Variants in MAGI2 observed in about 807,000 individuals in gnomAD.
The protein encoded by MAGI2 is membrane-associated guanylate kinase, WW and PDZ domain-containing protein 2.
Under a neutral mutation model 133.3 loss-of-function variants are expected in MAGI2, and 35 were observed. The observed-to-expected ratio is 0.26, with a 90% CI of 0.20 to 0.35. The LOEUF (loss-of-function observed/expected upper bound fraction) is 0.35. Ranked by LOEUF, MAGI2 falls within the 10% of genes least tolerant of loss-of-function variation. MAGI2 has a pLI of 1.00. For missense variants in MAGI2, 1,636 were observed against 1,863.4 expected (o/e 0.88, Z 2.25); for synonymous variants, 729 against 710.6 (o/e 1.03, Z -0.41).
intron 6 of MAGI2, among the ~76,000 whole-genome samples, chr7:78,395,729 A>G (rs1796288867): frequency 6.6e-6 from 1 of 152,222 alleles, no homozygotes; most frequent in Admixed American, 6.5e-5. Context: ...TATACTATAA[A>G]TTCAGTTTCC....
rs1424754199 is a variant in MAGI2, at chr7:79,452,851, C to T, written c.301+169G>A. ...AACCTGCCCCTCCCCTCCCTTTAGC[C>T]CCCAAGTCGAATCCCCGGCGAAACT... On this transcript the variant is annotated intron_variant, in intron 1 of 21. Transcript: ENST00000354212. The T allele has an allele frequency of 1.5e-5, 10 of 682,038 alleles. No homozygotes were observed. In the East Asian group the frequency reaches 2.6e-4, roughly 18 times the overall value. 42.2% of individuals were successfully genotyped at this position (682,038 alleles called of 1,614,324 possible). A position where few individuals can be genotyped will look rare whatever the true frequency, so the allele number is the denominator to read the frequency against.
At chr7:78,793,499 G>A (rs886466077) in intron 2 of MAGI2, among the ~76,000 whole-genome samples, 7 of 152,208 alleles carry the variant, frequency 4.6e-5, no homozygotes, top group Non-Finnish European at 8.8e-5. Flanking sequence ...GTCAATCATG[G>A]AGATAGAATA....
intron 4 of MAGI2, among the ~76,000 whole-genome samples, chr7:78,502,204 C>A (rs1306938952): frequency 6.6e-6 from 1 of 152,066 alleles, no homozygotes; most frequent in Admixed American, 6.5e-5. Context: ...ATGGCCTCAT[C>A]TGGATGATTA....
chr7:79,186,189 AAAATATATATATATATATAT>A lies in MAGI2; in HGVS notation c.302-179003_302-178984del, dbSNP rs1363699035. ...TAGAGGCCAGCCCTATTTGCCTGGG[AAAATATATATATATATATAT>A]ATATATATATATATATATATATATA... On this transcript the variant is annotated intron_variant, in intron 1 of 21. Transcript: ENST00000354212. Among the ~76,000 whole-genome samples the A allele has an allele frequency of 2.8e-4, 29 of 104,616 alleles. 1 individual carries two copies. Among genetic ancestry groups the A allele is most frequent in the African/African-American group, 7.0e-4 (23 of 32,738 alleles). 68.6% of individuals were successfully genotyped at this position (104,616 alleles called of 152,430 possible).
chr7:79,015,737 C>T (rs1808636975), intron 1 of MAGI2, among the ~76,000 whole-genome samples: 1 of 152,046 alleles, frequency 6.6e-6, no homozygotes, highest in Admixed American at 6.6e-5. Context: ...ATGTCCTCGG[C>T]CCACCTATAA....
intron 2 of MAGI2, among the ~76,000 whole-genome samples, chr7:78,725,494 G>A (rs1820684128): frequency 6.6e-6 from 1 of 152,168 alleles, no homozygotes; most frequent in Admixed American, 6.5e-5. Context: ...TATGCTGAAT[G>A]ACAGAAATGA....
At chr7:79,361,399 A>G (rs1285550133) in intron 1 of MAGI2, among the ~76,000 whole-genome samples, 2 of 152,158 alleles carry the variant, frequency 1.3e-5, no homozygotes, top group Non-Finnish European at 2.9e-5. Flanking sequence ...TGCTGGGTAG[A>G]GGAGGGCCCC....
chr7:79,317,865 G>A (rs181577474), intron 1 of MAGI2, among the ~76,000 whole-genome samples: 77 of 152,222 alleles, frequency 5.1e-4, no homozygotes, highest in Middle Eastern at 3.4e-3. Flanking sequence ...AATGTGCCTG[G>A]TTTCAGCCAG....
chr7:78,659,199 T>A (rs768918015), intron 2 of MAGI2, among the ~76,000 whole-genome samples: 1 of 151,592 alleles, frequency 6.6e-6, no homozygotes, highest in Non-Finnish European at 1.5e-5. Flanking sequence ...CGCCTGTAAT[T>A]CAGCACTTTG....
At position 79,306,447 on chromosome 7, in the gene MAGI2, C is replaced by A. The variant is rs570284400; in HGVS notation, c.301+146573G>T. On this transcript the variant is annotated intron_variant, in intron 1 of 21. Transcript: ENST00000354212. ...AAAATATTGGGATTACCAGTATGAA[C>A]CAATGTACCTGGCTGCTTTTTTGAT... is the stretch of plus-strand genomic sequence containing the variant. 2.8e-3 allele frequency among the ~76,000 whole-genome samples: 422 copies of A among 151,664 alleles called. 1 individual carries two copies. The highest frequency in any genetic ancestry group is 0.017 in the South Asian group (82 of 4,814).
intron 4 of MAGI2, among the ~76,000 whole-genome samples, chr7:78,517,872 A>T (rs1381638456): frequency 6.6e-6 from 1 of 152,148 alleles, no homozygotes; most frequent in African/African-American, 2.4e-5. Context: ...TTTCGATAAC[A>T]TTGATAATGT....
At chr7:79,207,059 T>C (rs1462049727) in intron 1 of MAGI2, among the ~76,000 whole-genome samples, 1 of 151,826 alleles carries the variant, frequency 6.6e-6, no homozygotes, top group African/African-American at 2.4e-5. Context: ...GAAGATCCCT[T>C]CTATAGTCCG....
chr7:78,076,700 GC>G (rs1231597256), intron 21 of MAGI2, among the ~76,000 whole-genome samples: 1 of 149,018 alleles, frequency 6.7e-6, no homozygotes, highest in African/African-American at 2.5e-5. Context: ...CAAAAAATTA[GC>G]CGGGCGCGGT....
intron 2 of MAGI2, among the ~76,000 whole-genome samples, chr7:78,957,335 A>T (rs537859470): frequency 4.2e-4 from 63 of 151,476 alleles, no homozygotes; most frequent in African/African-American, 1.5e-3. Context: ...TGCTCCTTAT[A>T]AGTAAAGGAG....
chr7:78,522,181 A>G (rs1796563236), intron 3 of MAGI2, among the ~76,000 whole-genome samples: 1 of 152,092 alleles, frequency 6.6e-6, no homozygotes, highest in Non-Finnish European at 1.5e-5. Flanking sequence ...ATGGCTGCTG[A>G]CAGTGCGCCT....
chr7:79,062,390 C>T (rs1813842734), intron 1 of MAGI2, among the ~76,000 whole-genome samples: 2 of 152,114 alleles, frequency 1.3e-5, no homozygotes, highest in South Asian at 4.1e-4. Context: ...TACAGTGAAA[C>T]TGTATAGAGA....
intron 2 of MAGI2, among the ~76,000 whole-genome samples, chr7:78,646,049 A>G (rs1810859382): frequency 6.6e-6 from 1 of 152,274 alleles, no homozygotes; most frequent in South Asian, 2.1e-4. Context: ...CAGCAAAAGT[A>G]TTTTTAAAAT....
chr7:78,044,314 ATCTT>A (rs1322802748), intron 21 of MAGI2, among the ~76,000 whole-genome samples: 2 of 152,142 alleles, frequency 1.3e-5, no homozygotes, highest in African/African-American at 4.8e-5. Flanking sequence ...TAGAGAAGAG[ATCTT>A]TCTTTTCCTC....
intron 9 of MAGI2, among the ~76,000 whole-genome samples, chr7:78,321,302 T>A (rs4506132): frequency 0.51 from 77,159 of 151,622 alleles, 21,713 homozygotes; most frequent in African/African-American, 0.76. Flanking sequence ...AAAAGAGCCC[T>A]CACAGCCAAG....
Sources: allele counts gnomAD v4.1 joint callset (sites outside exome capture counted in the v4.1 genomes callset), GRCh38; gene constraint gnomAD v4.1.1; transcripts MANE v1.5; gene names NCBI Gene and HGNC (gene_info 2026-07-23, HGNC 2026-07-21).